Variants in SRL observed in about 807,000 individuals in gnomAD.
SRL encodes the protein sarcalumenin.
A neutral mutation model predicts 39.5 loss-of-function variants in SRL; 23 were observed. The ratio of observed to expected loss-of-function variants is 0.58; its 90% CI spans 0.42 to 0.82. SRL has a LOEUF of 0.82. Ranked by LOEUF, SRL falls within the 40% of genes least tolerant of loss-of-function variation. The probability of loss-of-function intolerance (pLI) is 0.00; values close to 1 mark genes in which losing one functional copy is unlikely to be tolerated. For missense variants in SRL, 592 were observed against 607.8 expected (o/e 0.97, Z 0.27); for synonymous variants, 272 against 237.4 (o/e 1.15, Z -1.34).
chr16:4,240,082 G>T (rs976031869), intron 1 of SRL, among the ~76,000 whole-genome samples: 12 of 152,176 alleles, frequency 7.9e-5, no homozygotes, highest in African/African-American at 2.9e-4. Context: ...AGCTGCACAC[G>T]AGCAACAAGG....
intron 1 of SRL, among the ~76,000 whole-genome samples, chr16:4,222,207 G>A (rs942223349): frequency 6.6e-6 from 1 of 152,134 alleles, no homozygotes; most frequent in Non-Finnish European, 1.5e-5. Flanking sequence ...CATCCCTTGG[G>A]AGTCGTCCCC....
intron 1 of SRL, among the ~76,000 whole-genome samples, chr16:4,213,083 T>C (rs1420696287): frequency 6.6e-6 from 1 of 152,042 alleles, no homozygotes; most frequent in East Asian, 1.9e-4. Context: ...ATATGAACCT[T>C]AGTCTGGAGT....
intron 3 of SRL, among the ~76,000 whole-genome samples, chr16:4,198,508 G>A (rs1197588642): frequency 6.6e-6 from 1 of 152,026 alleles, no homozygotes; most frequent in Non-Finnish European, 1.5e-5. Context: ...AAATGCAGTG[G>A]TGCAATTGTG....
chr16:4,204,622 T>G lies in SRL; in HGVS notation c.74A>C (p.Asp25Ala). 1 of 1,614,036 alleles carries G rather than the reference T, an allele frequency of 6.2e-7. No homozygotes were observed. The highest frequency in any genetic ancestry group is 1.1e-5 in the South Asian group (1 of 91,076). Residue 25 changes from aspartate (D) to alanine (A), a missense_variant, in exon 2 of 6, where the codon GAT becomes GCT. Physicochemically the swap from Asp to Ala is moderately radical, Grantham distance 126. Coordinates refer to ENST00000399609, the MANE Select transcript of SRL (RefSeq NM_001098814.2). ...CCTCAATGGGGCTTCTTCATTTGCATCCTCCGTCTCTTCTGTGGAGAGAAG... is the reference window on the plus strand; with the variant it reads ...CCTCAATGGGGCTTCTTCATTTGCAGCCTCCGTCTCTTCTGTGGAGAGAAG... Reference protein sequence around the residue: ...LFSGQAEETEDANEEAPLRDR... With the variant: ...LFSGQAEETEAANEEAPLRDR...
In SRL at chr16:4,203,282, G is replaced by T. The variant is rs775019044; in HGVS notation, c.164-21C>A. ...CACCGCTGGAGACAGAGAGGGCCGGGGGAAGAGCATCACGCAGGTGCGATC... is the reference window on the plus strand; with the variant it reads ...CACCGCTGGAGACAGAGAGGGCCGGTGGAAGAGCATCACGCAGGTGCGATC... On this transcript the variant is annotated intron_variant, in intron 2 of 5. Coordinates refer to ENST00000399609, the MANE Select transcript of SRL (RefSeq NM_001098814.2). 1.9e-5 allele frequency: 31 copies of T among 1,607,612 alleles called. No individual in the cohort carries two copies. In the East Asian group the frequency reaches 4.5e-4, roughly 23 times the overall value.
At position 4,209,005 on chromosome 16, in the gene SRL, G is replaced by A. The variant is rs2052360301; in HGVS notation, c.62-4371C>T. 2.0e-5 allele frequency among the ~76,000 whole-genome samples: 3 copies of A among 152,188 alleles called. No individual in the cohort carries two copies. The South Asian group carries it at 6.2e-4, about 32-fold the overall frequency. ...GGGTCAGAAAAGGCTAAGTGTGGTG[G>A]CTCATGCCTGTAATCCCAGCACTTT... On this transcript the variant is annotated intron_variant, in intron 1 of 5. Coordinates refer to ENST00000399609, the MANE Select transcript of SRL (RefSeq NM_001098814.2).
chr16:4,196,055 G>A (rs939343506), intron 4 of SRL, among the ~76,000 whole-genome samples: 7 of 152,014 alleles, frequency 4.6e-5, no homozygotes, highest in African/African-American at 1.7e-4. Flanking sequence ...CCATCTCCCA[G>A]GTTCAAGCGA....
Position 4,241,996 on chromosome 16 carries a change from AGGG to A in SRL, c.61+8_61+10del, listed in dbSNP as rs2052778016. On this transcript the variant is annotated splice_region_variant and intron_variant, in intron 1 of 5. Transcript: ENST00000399609. ...CCAGTCTGGGCTGGGTCATGCTGGG[AGGG>A]GCCCTACCTGCTTGTCCTGAGAACA... 1 of 1,613,734 alleles carries A rather than the reference AGGG, an allele frequency of 6.2e-7. No individual in the cohort carries two copies. The highest frequency in any genetic ancestry group is 8.5e-7 in the Non-Finnish European group (1 of 1,179,932).
At chr16:4,228,338 G>A (rs2052615237) in intron 1 of SRL, among the ~76,000 whole-genome samples, 1 of 152,242 alleles carries the variant, frequency 6.6e-6, no homozygotes, top group Non-Finnish European at 1.5e-5. Context: ...TCGGGAGGCT[G>A]AGGCAGAGAA....
At chr16:4,197,421 C>CTTTTT (rs71139621) in intron 4 of SRL, among the ~76,000 whole-genome samples, 5,506 of 107,400 alleles carry the variant, frequency 0.051, 747 homozygotes, top group African/African-American at 0.17. Context: ...CTTTTCTTTC[C>CTTTTT]TTTTTTTTTT....
chr16:4,207,097 C>A (rs1319584825), intron 1 of SRL: 1 of 455,458 alleles, frequency 2.2e-6, no homozygotes, highest in Non-Finnish European at 4.4e-6. Flanking sequence ...GGCTCCCCAG[C>A]CTCCTGGGGC....
chr16:4,231,453 T>C (rs1453910924), intron 1 of SRL, among the ~76,000 whole-genome samples: 2 of 152,160 alleles, frequency 1.3e-5, no homozygotes, highest in Admixed American at 6.5e-5. Context: ...ACTGAGCCAA[T>C]CGTTTTCACC....
Position 4,192,330 on chromosome 16 carries a change from C to A in SRL, c.1245G>T (p.Leu415=). 6.2e-7 allele frequency: 1 copy of A among 1,614,182 alleles called. No homozygotes were observed. The highest frequency in any genetic ancestry group is 8.5e-7 in the Non-Finnish European group (1 of 1,180,032). ...CCATGTAGGAGCACTGCTGGGAGAGCAGTTTGAAACTGGAAATGGGATTGA... is the reference window on the plus strand; with the variant it reads ...CCATGTAGGAGCACTGCTGGGAGAGAAGTTTGAAACTGGAAATGGGATTGA... ...FGINPISSFK[L]LSQQCSYMGG... Residue 415 remains leucine, a synonymous_variant, in exon 6 of 6, where the codon CTG becomes CTT. Transcript: ENST00000399609. This position sits in a 1 kb window ranked among gnomAD's most constrained non-coding sequence, Gnocchi z 4.0.
At chr16:4,217,020 G>T (rs986988534) in intron 1 of SRL, among the ~76,000 whole-genome samples, 7 of 152,210 alleles carry the variant, frequency 4.6e-5, no homozygotes, top group African/African-American at 1.4e-4. Context: ...AGCTTGGCAG[G>T]TGAAGGGGTC....
chr16:4,204,561 A>T lies in SRL; in HGVS notation c.135T>A (p.Asn45Lys). 6.2e-7 allele frequency: 1 copy of T among 1,613,976 alleles called. No individual in the cohort carries two copies. The highest frequency in any genetic ancestry group is 2.2e-5 in the East Asian group (1 of 44,876). ...AGTAGTCATCGGATGGCTTGTCCTC[A>T]TTCAGCATGAGGGTCTTCTCGATGT... is the stretch of plus-strand genomic sequence containing the variant. ...RSHIEKTLML[N>K]EDKPSDDYSA... The change falls in exon 2 of 6, where the codon AAT (asparagine) becomes AAA (lysine). Residue 45 changes from asparagine to lysine, a missense_variant. Transcript: ENST00000399609.
intron 1 of SRL, among the ~76,000 whole-genome samples, chr16:4,210,541 G>A (rs1418077325): frequency 7.2e-6 from 1 of 139,632 alleles, no homozygotes; most frequent in African/African-American, 2.7e-5. Flanking sequence ...CCAGGCTGGA[G>A]TGCAGTGAAC....
At chr16:4,226,980 G>C (rs2052597899) in intron 1 of SRL, among the ~76,000 whole-genome samples, 1 of 149,966 alleles carries the variant, frequency 6.7e-6, no homozygotes, top group Non-Finnish European at 1.5e-5. Flanking sequence ...GGATGAATAG[G>C]TGTGTGGGTG....
At chr16:4,227,055 G>C (rs972219988) in intron 1 of SRL, among the ~76,000 whole-genome samples, 15 of 109,490 alleles carry the variant, frequency 1.4e-4, no homozygotes, top group Non-Finnish European at 2.5e-4. Flanking sequence ...TGGATGAATG[G>C]ATGGATGGAT....
intron 1 of SRL, among the ~76,000 whole-genome samples, chr16:4,227,696 G>T (rs1386880750): frequency 6.6e-6 from 1 of 152,160 alleles, no homozygotes; most frequent in Non-Finnish European, 1.5e-5. Context: ...CAGAACCAGG[G>T]AAGTGCTTGC....
Sources: gnomAD v4.1 joint callset for allele counts (sites outside exome capture counted in the v4.1 genomes callset) on GRCh38, gnomAD v4.1.1 for gene constraint, Gnocchi (gnomAD v3.1) non-coding constraint, MANE v1.5 for transcripts, NCBI Gene and HGNC (gene_info 2026-07-23, HGNC 2026-07-21) for gene names.